The following COL6A6 variants were observed in gnomAD, a reference collection of about 807,000 sequenced individuals.
The protein encoded by COL6A6 is collagen alpha-6(VI) chain.
COL6A6 carries 183 observed loss-of-function variants against 208.6 expected under a neutral mutation model. The observed-to-expected ratio is 0.88, with a 90% CI of 0.78 to 0.99. The LOEUF is 0.99. Ranked by LOEUF, COL6A6 falls within the 50% of genes least tolerant of loss-of-function variation. COL6A6 has a pLI of 0.00. For missense variants in COL6A6, 2,816 were observed against 2,815.2 expected (o/e 1.00, Z -0.01); for synonymous variants, 973 against 1,011.8 (o/e 0.96, Z 0.73).
intron 12 of COL6A6, among the ~76,000 whole-genome samples, chr3:130,590,297 A>C (rs1485182181): frequency 1.3e-4 from 1 of 7,494 alleles, no homozygotes; most frequent in Non-Finnish European, 2.5e-4. Context: ...ATATATATAT[A>C]TATTTTTTTT....
At chr3:130,614,987 C>G (rs2064474272) in intron 23 of COL6A6, among the ~76,000 whole-genome samples, 1 of 151,794 alleles carries the variant, frequency 6.6e-6, no homozygotes, top group Non-Finnish European at 1.5e-5. Flanking sequence ...GTATGATTTT[C>G]TGTATCTCAG....
intron 20 of COL6A6, among the ~76,000 whole-genome samples, chr3:130,604,492 C>G (rs112851044): frequency 1.5e-5 from 2 of 132,226 alleles, no homozygotes; most frequent in African/African-American, 6.0e-5. Context: ...GAGACTCCGT[C>G]TCAAAAAAAA....
At chr3:130,584,573 G>T (rs933235449) in intron 10 of COL6A6, among the ~76,000 whole-genome samples, 8 of 151,644 alleles carry the variant, frequency 5.3e-5, no homozygotes, top group African/African-American at 1.7e-4. Flanking sequence ...TTTTTCTTTG[G>T]TGGTTCGTTT....
At chr3:130,579,788 T>C (rs1384527441) in intron 8 of COL6A6, among the ~76,000 whole-genome samples, 1 of 152,182 alleles carries the variant, frequency 6.6e-6, no homozygotes, top group East Asian at 1.9e-4. Flanking sequence ...GGGCTCCTGA[T>C]TTAAGGGCAG....
rs1336865314 is a variant in COL6A6, at chr3:130,633,916, G to C, written c.4993-674G>C. On this transcript the variant is annotated intron_variant, in intron 26 of 36. Coordinates refer to ENST00000358511, the MANE Select transcript of COL6A6 (RefSeq NM_001102608.3). ...GGGGACTGTGGTGGGGTCGGGGGAG[G>C]GGGGAGGGATAGCATTGGGAGATAT... 3.0e-4 allele frequency among the ~76,000 whole-genome samples: 11 copies of C among 36,504 alleles called. 1 individual carries two copies. Among genetic ancestry groups the C allele is most frequent in the East Asian group, 2.2e-3 (3 of 1,384 alleles). The allele number at this position is 36,504 out of a possible 152,430, so 23.9% of individuals were successfully genotyped here. A position where few individuals can be genotyped will look rare whatever the true frequency, so the allele number is the denominator to read the frequency against.
chr3:130,574,137 A>C lies in COL6A6; in HGVS notation c.3159A>C (p.Pro1053=). ...QFSDTYHPEF[P]LGTFIGEKEI... ...GCGATACCTATCACCCGGAGTTTCC[A>C]CTGGGAACTTTCATAGGTGAAAAAG... Residue 1053 remains proline (P), a synonymous_variant, in exon 8 of 37, where the codon CCA becomes CCC. Transcript: ENST00000358511. 1 of 1,614,000 alleles carries C rather than the reference A, an allele frequency of 6.2e-7. No homozygotes were observed. The highest frequency in any genetic ancestry group is 8.5e-7 in the Non-Finnish European group (1 of 1,179,880).
At chr3:130,524,590 G>A (rs1039797143) in intron 1 of COL6A6, among the ~76,000 whole-genome samples, 2 of 150,686 alleles carry the variant, frequency 1.3e-5, no homozygotes, top group East Asian at 3.9e-4. Context: ...ATTCTTAGCT[G>A]CAAAATTCTT....
rs1482109068 is a variant in COL6A6, at chr3:130,563,281, A to C, written c.278A>C (p.His93Pro). The C allele has an allele frequency of 1.2e-6, 2 of 1,613,886 alleles. No homozygotes were observed. Among genetic ancestry groups the C allele is most frequent in the Non-Finnish European group, 1.7e-6 (2 of 1,179,892 alleles). ...AAAGGCAGGAGCCCCATGCTGAACC[A>C]CCTAAGGAAGAACTTTGGATTCATT... ...TFKGRSPMLN[H>P]LRKNFGFIGG... The change falls in exon 3 of 37, where the codon CAC (histidine) becomes CCC (proline). Residue 93 changes from histidine to proline, a missense_variant. Transcript: ENST00000358511.
intron 1 of COL6A6, among the ~76,000 whole-genome samples, chr3:130,517,848 A>G (rs1355443484): frequency 3.3e-5 from 5 of 152,244 alleles, no homozygotes; most frequent in Non-Finnish European, 5.9e-5. Context: ...GTACATTCCC[A>G]GTCTGTACTT....
intron 28 of COL6A6, 37 bp from the exon 29 acceptor site, chr3:130,641,615 T>G: frequency 9.0e-7 from 1 of 1,114,144 alleles, no homozygotes; most frequent in Non-Finnish European, 1.3e-6. Context: ...CATACATATA[T>G]GTATAAATAC....
intron 18 of COL6A6, among the ~76,000 whole-genome samples, chr3:130,596,900 ATAT>A (rs761443282): frequency 6.6e-6 from 1 of 152,214 alleles, no homozygotes; most frequent in Non-Finnish European, 1.5e-5. Flanking sequence ...TTTTGACAAT[ATAT>A]TATTATAAGC....
chr3:130,578,781 AC>A (rs1007129514), intron 8 of COL6A6, among the ~76,000 whole-genome samples: 2 of 152,192 alleles, frequency 1.3e-5, no homozygotes, highest in African/African-American at 4.8e-5. Flanking sequence ...TGCTGAAGGG[AC>A]CAGGGCCTCC....
chr3:130,604,850 C>G (rs1320435208), intron 20 of COL6A6, among the ~76,000 whole-genome samples: 1 of 152,238 alleles, frequency 6.6e-6, no homozygotes, highest in Non-Finnish European at 1.5e-5. Context: ...TTCCGTTAAA[C>G]ATACTGGAAG....
At chr3:130,603,970 C>T (rs539026759) in intron 20 of COL6A6, among the ~76,000 whole-genome samples, 4 of 152,106 alleles carry the variant, frequency 2.6e-5, no homozygotes, top group African/African-American at 4.8e-5. Context: ...TCTTTCCTGA[C>T]GTGCCCATTC....
intron 24 of COL6A6, among the ~76,000 whole-genome samples, chr3:130,623,086 T>C (rs1041068856): frequency 1.3e-5 from 2 of 152,096 alleles, no homozygotes; most frequent in Non-Finnish European, 2.9e-5. Context: ...CACGGTGTTA[T>C]CTAAAACTTT....
intron 35 of COL6A6, among the ~76,000 whole-genome samples, chr3:130,662,608 T>G (rs1040771293): frequency 6.6e-6 from 1 of 152,078 alleles, no homozygotes; most frequent in Non-Finnish European, 1.5e-5. Flanking sequence ...GGGTGTGAAG[T>G]CATAGCCTGG....
intron 1 of COL6A6, among the ~76,000 whole-genome samples, chr3:130,542,552 ATTG>A (rs2107757171): frequency 6.6e-6 from 1 of 152,228 alleles, no homozygotes; most frequent in South Asian, 2.1e-4. Context: ...GATTGATGGC[ATTG>A]TTGAGTTCAG....
At chr3:130,674,444 G>A (rs977734690) in intron 36 of COL6A6, among the ~76,000 whole-genome samples, 1 of 152,118 alleles carries the variant, frequency 6.6e-6, no homozygotes, top group Non-Finnish European at 1.5e-5. Flanking sequence ...TCTGACTCCA[G>A]CTCCTCTTTA....
intron 33 of COL6A6, among the ~76,000 whole-genome samples, chr3:130,651,549 T>TATTAATA (rs2065646627): frequency 6.6e-6 from 1 of 152,148 alleles, no homozygotes; most frequent in African/African-American, 2.4e-5. Flanking sequence ...GAAACTGCTA[T>TATTAATA]TATTAATAGT....
Sources: gnomAD v4.1 joint callset for allele counts (sites outside exome capture counted in the v4.1 genomes callset) on GRCh38, gnomAD v4.1.1 for gene constraint, MANE v1.5 for transcripts, NCBI Gene and HGNC (gene_info 2026-07-23, HGNC 2026-07-21) for gene names.